PRTFDC1: variants seen among roughly 807,000 people sequenced by gnomAD.
PRTFDC1 encodes the protein phosphoribosyltransferase domain-containing protein 1.
In PRTFDC1, 38 loss-of-function variants were observed where a neutral mutation model predicts 34.6. The ratio of observed to expected loss-of-function variants is 1.10; its 90% CI spans 0.85 to 1.44. The LOEUF is 1.44. Ranked by LOEUF, PRTFDC1 falls within the 40% of genes most tolerant of loss-of-function variation. The probability of loss-of-function intolerance (pLI) is 0.00; values close to 1 mark genes in which losing one functional copy is unlikely to be tolerated. For missense variants in PRTFDC1, 270 were observed against 283.0 expected (o/e 0.95, Z 0.33); for synonymous variants, 93 against 98.1 (o/e 0.95, Z 0.31).
intron 4 of PRTFDC1, among the ~76,000 whole-genome samples, chr10:24,870,883 C>T (rs1847857437): frequency 6.6e-6 from 1 of 151,960 alleles, no homozygotes; most frequent in Admixed American, 6.6e-5. Flanking sequence ...ACCCGCCTGG[C>T]CAACATGGTG....
chr10:24,869,107 T>G (rs1281581275), intron 4 of PRTFDC1, among the ~76,000 whole-genome samples: 1 of 152,200 alleles, frequency 6.6e-6, no homozygotes, highest in Non-Finnish European at 1.5e-5. Context: ...CGCTCTACAT[T>G]GCCATTGAAT....
At chr10:24,908,388 T>A (rs1261190830) in intron 3 of PRTFDC1, 6 of 1,335,762 alleles carry the variant, frequency 4.5e-6, no homozygotes, top group Non-Finnish European at 6.1e-6. Flanking sequence ...AAATACATCA[T>A]CCAGCAGACA....
At chr10:24,943,807 C>T (rs564284177) in intron 1 of PRTFDC1, among the ~76,000 whole-genome samples, 5 of 152,256 alleles carry the variant, frequency 3.3e-5, no homozygotes, top group African/African-American at 9.6e-5. Flanking sequence ...CTGCCTTAGC[C>T]TCCCAAAGTG....
intron 3 of PRTFDC1, among the ~76,000 whole-genome samples, chr10:24,929,979 G>T (rs61854332): frequency 1.3e-5 from 2 of 151,976 alleles, no homozygotes; most frequent in South Asian, 2.1e-4. Context: ...TTTGATCCCA[G>T]GGAGGTTGAA....
chr10:24,895,474 C>T (rs1418752733), intron 3 of PRTFDC1, among the ~76,000 whole-genome samples: 1 of 150,958 alleles, frequency 6.6e-6, no homozygotes, highest in Non-Finnish European at 1.5e-5. Context: ...TGGTCTTGAA[C>T]TCCTGACCTC....
intron 8 of PRTFDC1, among the ~76,000 whole-genome samples, chr10:24,850,932 C>T (rs1378705008): frequency 6.6e-6 from 1 of 152,138 alleles, no homozygotes; most frequent in Non-Finnish European, 1.5e-5. Context: ...GTCAGGGTCA[C>T]ACAGCTGGGG....
In PRTFDC1 at chr10:24,902,122, T is replaced by C. The variant is rs539816517; in HGVS notation, c.340-30059A>G. On this transcript the variant is annotated intron_variant, in intron 3 of 8. Transcript: ENST00000320152. ...AAAGGGAGGGAAAGAAGGAAACTGA[T>C]GGCTCATAGCAATCAATGGATTACT... is the stretch of plus-strand genomic sequence containing the variant. 9.2e-5 allele frequency among the ~76,000 whole-genome samples: 14 copies of C among 152,154 alleles called. No individual in the cohort carries two copies. The East Asian group carries it at 2.1e-3, about 23-fold the overall frequency.
chr10:24,860,328 C>T (rs1378489693), intron 4 of PRTFDC1, among the ~76,000 whole-genome samples: 2 of 152,150 alleles, frequency 1.3e-5, no homozygotes, highest in Non-Finnish European at 2.9e-5. Context: ...TTGCAGTGAA[C>T]CAAGATTGCA....
intron 3 of PRTFDC1, among the ~76,000 whole-genome samples, chr10:24,913,358 C>T (rs1293624647): frequency 1.3e-5 from 2 of 152,180 alleles, no homozygotes; most frequent in African/African-American, 4.8e-5. Context: ...TGGGTAACTG[C>T]ATCTGTATTT....
chr10:24,918,185 G>T (rs1848726097), intron 3 of PRTFDC1, among the ~76,000 whole-genome samples: 1 of 152,000 alleles, frequency 6.6e-6, no homozygotes, highest in South Asian at 2.1e-4. Flanking sequence ...GTCTCTCAAG[G>T]CCTCATTTAA....
In PRTFDC1 at chr10:24,952,490, G is replaced by T; in HGVS notation, c.48+38C>A. On this transcript the variant is annotated intron_variant, in intron 1 of 8. Transcript: ENST00000320152. The surrounding 1 kb of genome is among the most constrained non-coding windows in gnomAD (Gnocchi z 5.1). The stretch of plus-strand genomic sequence containing the variant: ...CAAGCAGGGTGCCAGGGAGGGAGGG[G>T]AGCGGGCCGAGCCCCAAAATAGGGA... 1 of 1,559,424 alleles carries T rather than the reference G, an allele frequency of 6.4e-7. No individual in the cohort carries two copies. The highest frequency in any genetic ancestry group is 1.2e-5 in the South Asian group (1 of 84,884).
intron 3 of PRTFDC1, chr10:24,908,426 T>C (rs1469134875): frequency 6.5e-7 from 1 of 1,527,766 alleles, no homozygotes; most frequent in African/African-American, 1.4e-5. Context: ...ATGAAGACTG[T>C]GGGCACAGCC....
intron 3 of PRTFDC1, among the ~76,000 whole-genome samples, chr10:24,888,231 G>T (rs143613465): frequency 2.2e-4 from 33 of 152,292 alleles, no homozygotes; most frequent in African/African-American, 7.5e-4. Context: ...TCTCCTTAAA[G>T]ATTCCTTAGT....
In PRTFDC1 at chr10:24,917,956, G is replaced by A. The variant is rs1047953293; in HGVS notation, c.339+19228C>T. On this transcript the variant is annotated intron_variant, in intron 3 of 8. Transcript: ENST00000320152. The stretch of plus-strand genomic sequence containing the variant: ...TCCCCAGGCCTCTGTTTTACCTGGT[G>A]TCCGTGTTTTTGGTACTTTTTTGGT... Among the ~76,000 whole-genome samples, 25 of 152,252 alleles carry A rather than the reference G, an allele frequency of 1.6e-4. No individual in the cohort carries two copies. The East Asian group carries it at 3.3e-3, about 20-fold the overall frequency.
At chr10:24,947,261 G>A (rs1171683812) in intron 1 of PRTFDC1, among the ~76,000 whole-genome samples, 1 of 152,240 alleles carries the variant, frequency 6.6e-6, no homozygotes, top group Non-Finnish European at 1.5e-5. Context: ...TGAGATGAAA[G>A]TCGATTCAAG....
chr10:24,864,186 A>G (rs963214583), intron 4 of PRTFDC1, among the ~76,000 whole-genome samples: 2 of 152,032 alleles, frequency 1.3e-5, no homozygotes, highest in Non-Finnish European at 2.9e-5. Flanking sequence ...AAAGGAAGTG[A>G]TTTCTTGAGA....
intron 7 of PRTFDC1, among the ~76,000 whole-genome samples, chr10:24,853,090 G>T (rs1847517042): frequency 6.6e-6 from 1 of 152,016 alleles, no homozygotes; most frequent in Non-Finnish European, 1.5e-5. Context: ...GAGGTCAGAA[G>T]TTACATTGAG....
chr10:24,855,788 C>T (rs1847562924), intron 6 of PRTFDC1, among the ~76,000 whole-genome samples: 2 of 151,840 alleles, frequency 1.3e-5, no homozygotes, highest in African/African-American at 4.8e-5. Context: ...GAAAGAGACC[C>T]TGTCTCAAAA....
At chr10:24,931,889 C>A (rs1344162958) in intron 3 of PRTFDC1, among the ~76,000 whole-genome samples, 2 of 141,388 alleles carry the variant, frequency 1.4e-5, no homozygotes, top group Non-Finnish European at 1.5e-5. Context: ...AGCCTGATAC[C>A]AGAATCAGAA....
Sources: gnomAD v4.1 joint callset for allele counts (sites outside exome capture counted in the v4.1 genomes callset) on GRCh38, gnomAD v4.1.1 for gene constraint, Gnocchi (gnomAD v3.1) non-coding constraint, MANE v1.5 for transcripts, NCBI Gene and HGNC (gene_info 2026-07-23, HGNC 2026-07-21) for gene names.